Variants in SMYD3 observed in about 807,000 individuals in gnomAD.
SMYD3 encodes SET and MYND domain containing 3.
SMYD3 carries 36 observed loss-of-function variants against 57.7 expected under a neutral mutation model. That is an observed-to-expected ratio of 0.62 (90% CI 0.48 to 0.82). The LOEUF (loss-of-function observed/expected upper bound fraction) is 0.82, where lower values mean the gene tolerates loss of function less well. Among genes scored for constraint, SMYD3 ranks in the 40% least tolerant of loss-of-function variants. SMYD3 has a pLI of 0.00. For synonymous variants in SMYD3, 211 were observed against 195.0 expected (o/e 1.08, Z -0.68); for missense variants, 515 against 538.8 (o/e 0.96, Z 0.44).
At chr1:245,836,243 T>C (rs2050100238) in intron 10 of SMYD3, among the ~76,000 whole-genome samples, 1 of 152,222 alleles carries the variant, frequency 6.6e-6, no homozygotes, top group Non-Finnish European at 1.5e-5. Flanking sequence ...GCCAGTGCTA[T>C]GATACAGTCC....
At chr1:246,152,805 T>C (rs1472767269) in intron 5 of SMYD3, among the ~76,000 whole-genome samples, 1 of 152,198 alleles carries the variant, frequency 6.6e-6, no homozygotes, top group Non-Finnish European at 1.5e-5. Flanking sequence ...TTAACCTTTC[T>C]CAGCCACATC....
rs954323460 is a variant in SMYD3 at position 246,187,040 on chromosome 1, T to A, written c.531+140161A>T. 5.2e-6 allele frequency: 3 copies of A among 579,312 alleles called. No homozygotes were observed. The East Asian group carries it at 4.3e-4, about 83-fold the overall frequency. The allele number at this position is 579,312 out of a possible 1,614,324, so 35.9% of individuals were successfully genotyped here. A position where few individuals can be genotyped will look rare whatever the true frequency, so the allele number is the denominator to read the frequency against. ...TGTGATGTGCTAGATAACGAGGTGA[T>A]GTGCTGATGGAGCTCAACTCTGACC... is the stretch of plus-strand genomic sequence containing the variant. On this transcript the variant is annotated intron_variant, in intron 5 of 11. Coordinates refer to ENST00000490107, the MANE Select transcript of SMYD3 (RefSeq NM_001167740.2).
In SMYD3 at chr1:246,242,353, G is replaced by A. The variant is rs145961961; in HGVS notation, c.531+84848C>T. Among the ~76,000 whole-genome samples the A allele has an allele frequency of 5.1e-3, 782 of 152,294 alleles. 4 individuals are homozygous for A. Among genetic ancestry groups the A allele is most frequent in the Admixed American group, 9.4e-3 (143 of 15,294 alleles). Reference sequence around the variant, plus strand: ...CTGCCTTCATTTCGTTATGTACCCAGTAGTCATTCAGGAACAGGTTGTTCA... The same window carrying A: ...CTGCCTTCATTTCGTTATGTACCCAATAGTCATTCAGGAACAGGTTGTTCA... On this transcript the variant is annotated intron_variant, in intron 5 of 11. Transcript: ENST00000490107.
intron 5 of SMYD3, among the ~76,000 whole-genome samples, chr1:246,046,968 TAACA>T (rs2059978731): frequency 1.3e-5 from 2 of 151,990 alleles, no homozygotes; most frequent in Admixed American, 6.6e-5. Context: ...AAACTCTATA[TAACA>T]AACAGAAAAT....
intron 10 of SMYD3, among the ~76,000 whole-genome samples, chr1:245,805,418 T>C (rs1368279704): frequency 2.0e-5 from 3 of 152,228 alleles, no homozygotes; most frequent in Non-Finnish European, 4.4e-5. Context: ...ATCCTAACCA[T>C]AAGAGTAGCA....
At chr1:246,386,176 C>T (rs2066477312) in intron 1 of SMYD3, among the ~76,000 whole-genome samples, 1 of 152,216 alleles carries the variant, frequency 6.6e-6, no homozygotes, top group Non-Finnish European at 1.5e-5. Context: ...GCATGAGCCA[C>T]CGCGTCTGGC....
chr1:245,841,988 T>C (rs1163488025), intron 10 of SMYD3, among the ~76,000 whole-genome samples: 2 of 152,206 alleles, frequency 1.3e-5, no homozygotes, highest in East Asian at 3.8e-4. Flanking sequence ...TATGTTTACA[T>C]ACACAAATAC....
In SMYD3 at chr1:245,915,400, T is replaced by C. The variant is rs3753688; in HGVS notation, c.813+130A>G. 4.9e-5 allele frequency: 26 copies of C among 528,872 alleles called. No individual in the cohort carries two copies. The East Asian group carries it at 6.4e-4, about 13-fold the overall frequency. 32.8% of individuals were successfully genotyped at this position (528,872 alleles called of 1,614,324 possible). On this transcript the variant is annotated intron_variant, in intron 8 of 11. Coordinates refer to ENST00000490107, the MANE Select transcript of SMYD3 (RefSeq NM_001167740.2). ...AAAATATATGCAGTTCAATGAGTTA[T>C]CTTATTTATCTGTTTCCTACCATGT...
chr1:246,213,658 A>G (rs1376467160), intron 5 of SMYD3, among the ~76,000 whole-genome samples: 4 of 152,274 alleles, frequency 2.6e-5, no homozygotes, highest in Middle Eastern at 3.4e-3. Flanking sequence ...GCCCTGTTCA[A>G]AGGTCAAAAC....
chr1:245,821,375 C>T (rs964780912), intron 10 of SMYD3, among the ~76,000 whole-genome samples: 5 of 82,946 alleles, frequency 6.0e-5, no homozygotes, highest in Non-Finnish European at 1.9e-4. Flanking sequence ...CCCTTTCTTA[C>T]ACCTTATAGA....
intron 1 of SMYD3, among the ~76,000 whole-genome samples, chr1:246,380,373 T>C (rs926013377): frequency 3.3e-5 from 5 of 152,234 alleles, no homozygotes; most frequent in African/African-American, 4.8e-5. Context: ...CAACCTTGAC[T>C]AAGCAAAAAG....
chr1:246,340,467 A>G (rs2065616110), intron 2 of SMYD3, among the ~76,000 whole-genome samples: 1 of 152,112 alleles, frequency 6.6e-6, no homozygotes, highest in African/African-American at 2.4e-5. Flanking sequence ...AAACCAATAG[A>G]CAACTAATAC....
chr1:246,075,563 T>C (rs2060531568), intron 5 of SMYD3, among the ~76,000 whole-genome samples: 1 of 152,100 alleles, frequency 6.6e-6, no homozygotes, highest in Non-Finnish European at 1.5e-5. Context: ...AAAAGAAAAC[T>C]AAAATAATTT....
chr1:246,472,744 CA>C (rs570101978), intron 1 of SMYD3, among the ~76,000 whole-genome samples: 2 of 150,126 alleles, frequency 1.3e-5, no homozygotes, highest in Admixed American at 1.3e-4. Flanking sequence ...ATCCTGTCTC[CA>C]AAAAAAAGTC....
intron 5 of SMYD3, among the ~76,000 whole-genome samples, chr1:246,222,619 C>A (rs1424865106): frequency 2.6e-5 from 4 of 152,120 alleles, no homozygotes; most frequent in African/African-American, 9.7e-5. Context: ...TTTATGAAAT[C>A]CTCCTTGATA....
chr1:246,373,970 T>G (rs905962698), intron 1 of SMYD3, among the ~76,000 whole-genome samples: 1 of 152,150 alleles, frequency 6.6e-6, no homozygotes, highest in Non-Finnish European at 1.5e-5. Flanking sequence ...ACTGACCCCC[T>G]TCCAAATGCC....
At chr1:246,010,832 C>A (rs1224262549) in intron 5 of SMYD3, among the ~76,000 whole-genome samples, 1 of 152,106 alleles carries the variant, frequency 6.6e-6, no homozygotes, top group Admixed American at 6.5e-5. Context: ...TGCTGAATAT[C>A]AAAAACATTA....
At position 246,096,417 on chromosome 1, in the gene SMYD3, G is replaced by A. The variant is rs183085601; in HGVS notation, c.532-166480C>T. 2.6e-5 allele frequency: 4 copies of A among 152,306 alleles called. No homozygotes were observed. In the East Asian group the frequency reaches 7.7e-4, roughly 29 times the overall value. 9.4% of individuals were successfully genotyped at this position (152,306 alleles called of 1,614,324 possible). On this transcript the variant is annotated intron_variant, in intron 5 of 11. Coordinates refer to ENST00000490107, the MANE Select transcript of SMYD3 (RefSeq NM_001167740.2). The stretch of plus-strand genomic sequence containing the variant: ...ATTACCTACTTGTTCAGGCCTCTTT[G>A]CTGGCAAAAAGTATAGCTGAATAAA...
At chr1:245,977,479 G>A (rs1367369127) in intron 5 of SMYD3, among the ~76,000 whole-genome samples, 2 of 152,176 alleles carry the variant, frequency 1.3e-5, no homozygotes, top group African/African-American at 2.4e-5. Context: ...ACGAGCTTGA[G>A]ACCAGCCTGG....
Sources: gnomAD v4.1 joint callset for allele counts (sites outside exome capture counted in the v4.1 genomes callset) on GRCh38, gnomAD v4.1.1 for gene constraint, MANE v1.5 for transcripts, NCBI Gene and HGNC (gene_info 2026-07-23, HGNC 2026-07-21) for gene names.